WNT6: variants seen among roughly 807,000 people sequenced by gnomAD.
WNT6 encodes the protein protein Wnt-6.
A neutral mutation model predicts 33.1 loss-of-function variants in WNT6; 27 were observed. The observed-to-expected ratio is 0.82, with a 90% CI of 0.60 to 1.12. The LOEUF is 1.12. WNT6 is among the 50% of genes most tolerant of loss of function. WNT6 has a pLI of 0.00. For synonymous variants in WNT6, 249 were observed against 242.8 expected, an observed-to-expected ratio of 1.03 and a Z score of -0.24; for missense variants, 494 against 535.3, an observed-to-expected ratio of 0.92 and a Z score of 0.76.
intron 1 of WNT6, among the ~76,000 whole-genome samples, chr2:218,869,734 G>T (rs979247485): frequency 1.3e-5 from 2 of 152,142 alleles, no homozygotes; most frequent in Non-Finnish European, 2.9e-5. Context: ...TAACCTTCAG[G>T]GGTCTGGTAT....
chr2:218,872,028 G>A (rs1397751268), intron 3 of WNT6, among the ~76,000 whole-genome samples: 1 of 151,956 alleles, frequency 6.6e-6, no homozygotes, highest in Non-Finnish European at 1.5e-5. Context: ...GAGTCACGTG[G>A]GGGTCTGAGA....
chr2:218,865,816 C>T (rs997136590), intron 1 of WNT6, among the ~76,000 whole-genome samples: 31 of 152,092 alleles, frequency 2.0e-4, no homozygotes, highest in African/African-American at 6.8e-4. Flanking sequence ...TTTTGTACAG[C>T]GAAGTCTGTC....
Position 218,860,108 on chromosome 2 carries a change from G to A in WNT6, c.71G>A (p.Gly24Glu). The change falls in exon 1 of 4, where the codon GGA (glycine) becomes GAA (glutamate). Residue 24 changes from glycine (G) to glutamate (E), a missense_variant. Gly to Glu is a moderately conservative substitution (Grantham distance 98, BLOSUM62 -2). Transcript: ENST00000233948. Reference protein sequence around the residue: ...LLLLCPAHVGGLWWAVGSPLV... With the variant: ...LLLLCPAHVGELWWAVGSPLV... ...CTCCTGTGCCCGGCGCACGTCGGCG[G>A]ACTGTGGTGGTGAGTCCGGCTGTCC... 1 of 1,524,504 alleles carries A rather than the reference G, an allele frequency of 6.6e-7. No homozygotes were observed. Among genetic ancestry groups the A allele is most frequent in the Non-Finnish European group, 8.8e-7 (1 of 1,140,418 alleles). 94.4% of individuals were successfully genotyped at this position (1,524,504 alleles called of 1,614,324 possible).
rs1449245601 is a variant in WNT6 at position 218,859,952 on chromosome 2, T to C, written c.-86T>C. 9.7e-6 allele frequency: 11 copies of C among 1,136,152 alleles called. No individual in the cohort carries two copies. The African/African-American group carries it at 1.8e-4, about 19-fold the overall frequency. 70.4% of individuals were successfully genotyped at this position (1,136,152 alleles called of 1,614,324 possible). The stretch of plus-strand genomic sequence containing the variant: ...GCCGCCGCCGTTGCGCTCGCCGCGC[T>C]CGCACTGAAGCCCGGGCCCTCGCGC... On this transcript the variant is annotated 5_prime_UTR_variant, in exon 1 of 4. Transcript: ENST00000233948.
rs1452792757 is a variant in WNT6 at position 218,873,875 on chromosome 2, C to T, written c.*30C>T. 7.7e-6 allele frequency: 11 copies of T among 1,419,892 alleles called. No individual in the cohort carries two copies. Among genetic ancestry groups the T allele is most frequent in the Non-Finnish European group, 1.0e-5 (11 of 1,092,406 alleles). 88.0% of individuals were successfully genotyped at this position (1,419,892 alleles called of 1,614,324 possible). On this transcript the variant is annotated 3_prime_UTR_variant, in exon 4 of 4. Transcript: ENST00000233948. This position sits in a 1 kb window ranked among gnomAD's most constrained non-coding sequence, Gnocchi z 6.1. The stretch of plus-strand genomic sequence containing the variant: ...CCGCCCGGCCGCTAGACTGACTTCG[C>T]GCAGCGGTGGCTCGCACCTGTGGGA...
chr2:218,863,268 C>A (rs1944324697), intron 1 of WNT6, among the ~76,000 whole-genome samples: 1 of 152,182 alleles, frequency 6.6e-6, no homozygotes, highest in East Asian at 1.9e-4. Flanking sequence ...CTTTCCCTGG[C>A]CTTCTTCTCC....
At chr2:218,860,150 C>G (rs544170205) in intron 1 of WNT6, 33 bp downstream of exon 1, 1 of 1,495,890 alleles carries the variant, frequency 6.7e-7, no homozygotes, top group South Asian at 1.3e-5. Flanking sequence ...GGCTCTGGAC[C>G]CTGGAGGGTG....
rs1441690607 is a variant in WNT6, at chr2:218,871,731, C to T, written c.548C>T (p.Ser183Leu). 2.5e-6 allele frequency: 4 copies of T among 1,598,976 alleles called. No individual in the cohort carries two copies. The highest frequency in any genetic ancestry group is 2.6e-6 in the Non-Finnish European group (3 of 1,173,942). ...GDDVDFGDEK[S>L]RLFMDARHKR... is the part of the protein sequence containing the mutation. ...GACGTGGACTTCGGGGACGAGAAGT[C>T]GAGGCTCTTTATGGACGCGCGGCAC... The change falls in exon 3 of 4, where the codon TCG becomes TTG. Residue 183 changes from serine (S) to leucine (L), a missense_variant. Coordinates refer to ENST00000233948, the MANE Select transcript of WNT6 (RefSeq NM_006522.4). The surrounding 1 kb of genome is among the most constrained non-coding windows in gnomAD (Gnocchi z 6.4).
Position 218,871,167 on chromosome 2 carries a change from G to A in WNT6, c.221G>A (p.Arg74Gln). ...ELARGARLGV[R>Q]ECQFQFRFRR... ...GCTCGGGGCGCCCGGCTCGGGGTGCGAGAGTGCCAGTTCCAGTTCCGCTTC... is the reference window on the plus strand; with the variant it reads ...GCTCGGGGCGCCCGGCTCGGGGTGCAAGAGTGCCAGTTCCAGTTCCGCTTC... The change falls in exon 2 of 4, where the codon CGA becomes CAA. Residue 74 changes from arginine to glutamine, a missense_variant. By Grantham distance (43) the Arg-to-Gln change is conservative. Coordinates refer to ENST00000233948, the MANE Select transcript of WNT6 (RefSeq NM_006522.4). The surrounding 1 kb of genome is among the most constrained non-coding windows in gnomAD (Gnocchi z 6.4). The A allele has an allele frequency of 6.2e-7, 1 of 1,613,766 alleles. No individual in the cohort carries two copies. The highest frequency in any genetic ancestry group is 8.5e-7 in the Non-Finnish European group (1 of 1,179,952).
At chr2:218,869,802 T>C (rs1944385255) in intron 1 of WNT6, among the ~76,000 whole-genome samples, 1 of 152,166 alleles carries the variant, frequency 6.6e-6, no homozygotes. Flanking sequence ...AGTTGAGGGA[T>C]TTCTGGAAGT....
At chr2:218,863,249 C>T (rs1944324495) in intron 1 of WNT6, among the ~76,000 whole-genome samples, 1 of 152,216 alleles carries the variant, frequency 6.6e-6, no homozygotes, top group South Asian at 2.1e-4. Context: ...CCCCGATGCC[C>T]AGGACCTGCT....
chr2:218,867,779 A>C lies in WNT6; in HGVS notation c.81-3248A>C, dbSNP rs1357353516. ...GAAAAGCAGAGTTCACTCCCTAAGG[A>C]AGCATAAAGCGAGGAAGGTGAAAGG... On this transcript the variant is annotated intron_variant, in intron 1 of 3. Coordinates refer to ENST00000233948, the MANE Select transcript of WNT6 (RefSeq NM_006522.4). The surrounding 1 kb of genome is among the most constrained non-coding windows in gnomAD (Gnocchi z 4.9). Among the ~76,000 whole-genome samples, 2 of 152,222 alleles carry C rather than the reference A, an allele frequency of 1.3e-5. No individual in the cohort carries two copies. Among genetic ancestry groups the C allele is most frequent in the Non-Finnish European group, 2.9e-5 (2 of 68,042 alleles).
intron 3 of WNT6, among the ~76,000 whole-genome samples, chr2:218,872,300 T>TA (rs1273543576): frequency 6.6e-6 from 1 of 151,910 alleles, no homozygotes; most frequent in African/African-American, 2.4e-5. Flanking sequence ...GAGAGAGGCC[T>TA]AGAAAGAGTT....
chr2:218,868,217 C>T (rs995200872), intron 1 of WNT6, among the ~76,000 whole-genome samples: 1 of 152,100 alleles, frequency 6.6e-6, no homozygotes, highest in African/African-American at 2.4e-5. Context: ...GTCCCCCAGC[C>T]CCAGCCCTAC....
intron 1 of WNT6, among the ~76,000 whole-genome samples, chr2:218,868,522 G>A (rs1256041060): frequency 1.3e-5 from 2 of 152,114 alleles, no homozygotes; most frequent in African/African-American, 2.4e-5. Context: ...CAGAGCCCCC[G>A]ACTCACAGGT....
At chr2:218,870,730 G>T (rs1369829392) in intron 1 of WNT6, among the ~76,000 whole-genome samples, 1 of 152,214 alleles carries the variant, frequency 6.6e-6, no homozygotes, top group African/African-American at 2.4e-5. Flanking sequence ...CTTACCTGAT[G>T]CCAGCTGCCT....
chr2:218,863,266 G>A (rs1944324633), intron 1 of WNT6, among the ~76,000 whole-genome samples: 1 of 152,124 alleles, frequency 6.6e-6, no homozygotes, highest in Non-Finnish European at 1.5e-5. Flanking sequence ...TGCTTTCCCT[G>A]GCCTTCTTCT....
intron 1 of WNT6, among the ~76,000 whole-genome samples, chr2:218,870,751 T>TA (rs1427570103): frequency 6.6e-6 from 1 of 152,272 alleles, no homozygotes; most frequent in Non-Finnish European, 1.5e-5. Context: ...TCACCTTGAG[T>TA]AAAATTTCTA....
Position 218,871,102 on chromosome 2 carries a change from C to T in WNT6, c.156C>T (p.Ala52=), listed in dbSNP as rs1379626832. ...RKARRLAGRQ[A]ELCQAEPEVV... is the part of the protein sequence containing the mutation. ...CACGGCGGCTGGCCGGGCGGCAGGC[C>T]GAGTTGTGCCAGGCTGAGCCGGAAG... Residue 52 remains alanine, a synonymous_variant, in exon 2 of 4, where the codon GCC becomes GCT. Coordinates refer to ENST00000233948, the MANE Select transcript of WNT6 (RefSeq NM_006522.4). The surrounding 1 kb of genome is among the most constrained non-coding windows in gnomAD (Gnocchi z 6.4). The T allele has an allele frequency of 2.5e-6, 4 of 1,613,534 alleles. No homozygotes were observed. Among genetic ancestry groups the T allele is most frequent in the Non-Finnish European group, 2.5e-6 (3 of 1,179,826 alleles).
Sources: gnomAD v4.1 joint callset for allele counts (sites outside exome capture counted in the v4.1 genomes callset) on GRCh38, gnomAD v4.1.1 for gene constraint, Gnocchi (gnomAD v3.1) non-coding constraint, MANE v1.5 for transcripts, NCBI Gene and HGNC (gene_info 2026-07-23, HGNC 2026-07-21) for gene names.